CRYBG1: variants seen among roughly 807,000 people sequenced by gnomAD.
CRYBG1 encodes the protein crystallin beta-gamma domain containing 1, also known as beta/gamma crystallin domain-containing protein 1.
In CRYBG1, 139 loss-of-function variants were observed where a neutral mutation model predicts 189.2. The ratio of observed to expected loss-of-function variants is 0.73; its 90% confidence interval spans 0.64 to 0.85. The LOEUF (loss-of-function observed/expected upper bound fraction) is 0.85. Among genes scored for constraint, CRYBG1 ranks in the 40% least tolerant of loss-of-function variants. CRYBG1 has a pLI of 0.00. For missense variants in CRYBG1, 2,611 were observed against 2,675.8 expected (o/e 0.98, Z 0.53); for synonymous variants, 1,023 against 1,017.1 (o/e 1.01, Z -0.11).
intron 1 of CRYBG1, among the ~76,000 whole-genome samples, chr6:106,440,767 G>A (rs1771553434): frequency 6.6e-6 from 1 of 152,196 alleles, no homozygotes; most frequent in African/African-American, 2.4e-5. Context: ...GTAAAGTCAT[G>A]TTACAGCCTG....
Position 106,544,836 on chromosome 6 carries a change from T to TC in CRYBG1, c.5217dup (p.Lys1740GlnfsTer6). Reference sequence around the variant, plus strand: ...AATGTACAGTGAAAAAAACTTTGGATCCAAAGGTTCCAGTATTGATGTATT... The same window carrying TC: ...AATGTACAGTGAAAAAAACTTTGGATCCCAAAGGTTCCAGTATTGATGTATT... On this transcript the variant is annotated frameshift_variant, in exon 13 of 22. Transcript: ENST00000633556. LOFTEE classifies it high-confidence loss of function. The TC allele has an allele frequency of 6.2e-7, 1 of 1,612,098 alleles. No individual in the cohort carries two copies. Among genetic ancestry groups the TC allele is most frequent in the Non-Finnish European group, 8.5e-7 (1 of 1,179,542 alleles).
At chr6:106,407,874 G>C (rs1446933594) in intron 1 of CRYBG1, among the ~76,000 whole-genome samples, 2 of 152,204 alleles carry the variant, frequency 1.3e-5, no homozygotes, top group Non-Finnish European at 2.9e-5. Flanking sequence ...AGCTAAAGCA[G>C]TGTCAAGAGG....
intron 1 of CRYBG1, among the ~76,000 whole-genome samples, chr6:106,366,488 A>C (rs765134128): frequency 1.2e-4 from 19 of 152,146 alleles, no homozygotes; most frequent in Non-Finnish European, 2.6e-4. Context: ...GAGAGTTATA[A>C]ATATATATTT....
chr6:106,430,016 T>A (rs1028576528), intron 1 of CRYBG1, among the ~76,000 whole-genome samples: 3 of 152,222 alleles, frequency 2.0e-5, no homozygotes, highest in Admixed American at 6.5e-5. Flanking sequence ...CCTCTTTGAA[T>A]ATATCCATCA....
rs201309176 is a variant in CRYBG1 at position 106,551,995 on chromosome 6, T to A, written c.5439+17T>A. ...ATATGTTTGGTAAGGAGTTATATTTTTGTATGAGAATATTTAACTGAATTC... is the reference window on the plus strand; with the variant it reads ...ATATGTTTGGTAAGGAGTTATATTTATGTATGAGAATATTTAACTGAATTC... On this transcript the variant is annotated intron_variant, in intron 14 of 21. Transcript: ENST00000633556. 9.3e-5 allele frequency: 147 copies of A among 1,585,798 alleles called. No homozygotes were observed. The East Asian group carries it at 3.0e-3, about 33-fold the overall frequency.
chr6:106,554,275 T>G (rs1281754465), intron 16 of CRYBG1, among the ~76,000 whole-genome samples: 1 of 152,118 alleles, frequency 6.6e-6, no homozygotes, highest in African/African-American at 2.4e-5. Flanking sequence ...TGCTATCCTG[T>G]CCTTTAGTAT....
In CRYBG1 at chr6:106,494,998, A is replaced by C. The variant is rs191051231; in HGVS notation, c.313-16432A>C. ...CTACTTCCTATCTACCTATAATCCT[A>C]TAATCAGGTTTTTCATGCAATTTAA... On this transcript the variant is annotated intron_variant, in intron 2 of 21. Coordinates refer to ENST00000633556, the MANE Select transcript of CRYBG1 (RefSeq NM_001371242.2). Among the ~76,000 whole-genome samples, 232 of 152,286 alleles carry C rather than the reference A, an allele frequency of 1.5e-3. 1 individual carries two copies. The highest frequency in any genetic ancestry group is 2.5e-3 in the Non-Finnish European group (169 of 68,010).
intron 2 of CRYBG1, among the ~76,000 whole-genome samples, chr6:106,470,710 A>C (rs1772216387): frequency 6.6e-6 from 1 of 152,246 alleles, no homozygotes; most frequent in Non-Finnish European, 1.5e-5. Flanking sequence ...TAATTGACAC[A>C]GATGCCCTGT....
intron 1 of CRYBG1, among the ~76,000 whole-genome samples, chr6:106,433,749 ATATATATGTG>A: frequency 3.4e-5 from 1 of 29,598 alleles, no homozygotes; most frequent in African/African-American, 1.4e-4. Context: ...ATATATGTAT[ATATATATGTG>A]TATATATATA....
intron 1 of CRYBG1, among the ~76,000 whole-genome samples, chr6:106,373,945 T>C (rs1416978183): frequency 1.3e-5 from 2 of 152,260 alleles, no homozygotes; most frequent in Admixed American, 6.5e-5. Flanking sequence ...TATGTGTGAC[T>C]GTAACTGAGC....
At chr6:106,508,413 C>T (rs1258800617) in intron 2 of CRYBG1, among the ~76,000 whole-genome samples, 1 of 152,168 alleles carries the variant, frequency 6.6e-6, no homozygotes, top group Non-Finnish European at 1.5e-5. Flanking sequence ...GTAACCATCA[C>T]CACAATCAAG....
intron 1 of CRYBG1, among the ~76,000 whole-genome samples, chr6:106,388,688 T>C (rs945665395): frequency 2.5e-4 from 38 of 152,330 alleles, no homozygotes; most frequent in Admixed American, 4.6e-4. Context: ...TGAATTATGC[T>C]TTTTACTTTA....
At chr6:106,363,560 C>A in intron 1 of CRYBG1, among the ~76,000 whole-genome samples, 1 of 152,140 alleles carries the variant, frequency 6.6e-6, no homozygotes, top group East Asian at 1.9e-4. Flanking sequence ...TGACCATATC[C>A]CTTCATTTCT....
chr6:106,504,921 C>T (rs1214931891), intron 2 of CRYBG1, among the ~76,000 whole-genome samples: 1 of 151,164 alleles, frequency 6.6e-6, no homozygotes, highest in Non-Finnish European at 1.5e-5. Context: ...TTCTAAAAGT[C>T]TTCAGAATGA....
intron 2 of CRYBG1, among the ~76,000 whole-genome samples, chr6:106,489,384 T>TA (rs1202740495): frequency 6.6e-6 from 1 of 152,158 alleles, no homozygotes. Context: ...AAGGTCTTGA[T>TA]AAAATGTTGA....
chr6:106,371,811 G>A (rs953393285), intron 1 of CRYBG1, among the ~76,000 whole-genome samples: 6 of 152,162 alleles, frequency 3.9e-5, no homozygotes, highest in Non-Finnish European at 2.9e-5. Flanking sequence ...TGTGATTGTC[G>A]TAATGTTACC....
intron 1 of CRYBG1, 149 bp from the exon 2 acceptor site, chr6:106,451,545 T>C (rs994297055): frequency 8.0e-6 from 6 of 751,308 alleles, no homozygotes; most frequent in Non-Finnish European, 1.2e-5. Context: ...CGCCAAATTA[T>C]CTACAACGCC....
At chr6:106,517,519 C>G (rs1470945314) in intron 3 of CRYBG1, among the ~76,000 whole-genome samples, 2 of 150,776 alleles carry the variant, frequency 1.3e-5, no homozygotes, top group South Asian at 4.2e-4. Flanking sequence ...TACACACACA[C>G]ATATATATAA....
Position 106,512,633 on chromosome 6 carries a change from C to T in CRYBG1, c.1516C>T (p.Pro506Ser). Residue 506 changes from proline (P) to serine (S), a missense_variant, in exon 3 of 22, where the codon CCA becomes TCA. By Grantham distance (74) the Pro-to-Ser change is moderately conservative. Transcript: ENST00000633556. The stretch of plus-strand genomic sequence containing the variant: ...AGGGGAGTCGGACCGGAGCAAACAG[C>T]CACCCCCGGCTTCGTCCCCCACGAA... ...LRGESDRSKQ[P>S]PPASSPTKRK... The T allele has an allele frequency of 6.3e-7, 1 of 1,593,494 alleles. No homozygotes were observed. The highest frequency in any genetic ancestry group is 8.5e-7 in the Non-Finnish European group (1 of 1,171,018).
Sources: gnomAD v4.1 joint callset for allele counts (sites outside exome capture counted in the v4.1 genomes callset) on GRCh38, gnomAD v4.1.1 for gene constraint, MANE v1.5 for transcripts, NCBI Gene and HGNC (gene_info 2026-07-23, HGNC 2026-07-21) for gene names.